AMBRA1: variants seen among roughly 807,000 people sequenced by gnomAD.
AMBRA1 encodes autophagy and beclin 1 regulator 1.
A neutral mutation model predicts 125.4 loss-of-function variants in AMBRA1; 47 were observed. The observed-to-expected ratio is 0.37, with a 90% CI of 0.30 to 0.48. AMBRA1 has a LOEUF of 0.48. Ranked by LOEUF, AMBRA1 falls within the 20% of genes least tolerant of loss-of-function variation. The pLI, the probability that AMBRA1 is intolerant of heterozygous loss-of-function variation, is 0.99. For missense variants in AMBRA1, 1,331 were observed against 1,693.4 expected, an observed-to-expected ratio of 0.79 and a Z score of 3.76; for synonymous variants, 626 against 655.5, an observed-to-expected ratio of 0.95 and a Z score of 0.69.
At chr11:46,573,413 AAAC>A (rs2043837465) in intron 1 of AMBRA1, among the ~76,000 whole-genome samples, 1 of 151,822 alleles carries the variant, frequency 6.6e-6, no homozygotes, top group Non-Finnish European at 1.5e-5. Flanking sequence ...CAGAAAAACA[AAAC>A]AAAAAAAAAA....
chr11:46,546,854 T>C (rs1340300012), intron 4 of AMBRA1, among the ~76,000 whole-genome samples: 1 of 152,056 alleles, frequency 6.6e-6, no homozygotes, highest in African/African-American at 2.4e-5. Flanking sequence ...GCAGACCACT[T>C]GAGGTCAGGA....
At chr11:46,513,349 G>A in intron 7 of AMBRA1, among the ~76,000 whole-genome samples, 1 of 146,422 alleles carries the variant, frequency 6.8e-6, no homozygotes, top group African/African-American at 2.5e-5. Flanking sequence ...ATATATATAA[G>A]AGTACTCCAT....
chr11:46,543,201 C>T lies in AMBRA1; in HGVS notation c.816G>A (p.Pro272=), dbSNP rs1225405693. 12 of 1,246,464 alleles carry T rather than the reference C, an allele frequency of 9.6e-6. No individual in the cohort carries two copies. In the East Asian group the frequency reaches 1.4e-4, roughly 14 times the overall value. 77.2% of individuals were successfully genotyped at this position (1,246,464 alleles called of 1,614,324 possible). A position where few individuals can be genotyped will look rare whatever the true frequency, so the allele number is the denominator to read the frequency against. Residue 272 remains proline, a synonymous_variant, in exon 7 of 18, where the codon CCG becomes CCA. Coordinates refer to ENST00000683756, the MANE Select transcript of AMBRA1 (RefSeq NM_001387011.1). ...GCTCCGTGGAGGGCTGAGGGGGAGGCGGTGGGGGTGAGGGGGTAGCAGAAT... is the reference window on the plus strand; with the variant it reads ...GCTCCGTGGAGGGCTGAGGGGGAGGTGGTGGGGGTGAGGGGGTAGCAGAAT... ...VQDSATPSPP[P]PPPQPSTERP...
At chr11:46,513,313 CTATAA>C (rs1399146299) in intron 7 of AMBRA1, among the ~76,000 whole-genome samples, 11 of 146,816 alleles carry the variant, frequency 7.5e-5, no homozygotes, top group East Asian at 2.0e-4. Context: ...AGATATATAA[CTATAA>C]TATATCTATT....
At chr11:46,569,667 C>T (rs1017246020) in intron 1 of AMBRA1, among the ~76,000 whole-genome samples, 40 of 151,882 alleles carry the variant, frequency 2.6e-4, no homozygotes, top group African/African-American at 1.5e-4. Flanking sequence ...TTTGTAATCC[C>T]GGCACTTTGG....
chr11:46,472,669 A>C (rs1401354532), intron 11 of AMBRA1, among the ~76,000 whole-genome samples: 1 of 152,246 alleles, frequency 6.6e-6, no homozygotes, highest in Non-Finnish European at 1.5e-5. Flanking sequence ...ATACATTTGA[A>C]TACTAGATTT....
At chr11:46,557,545 C>CGTGA (rs534180367) in intron 1 of AMBRA1, among the ~76,000 whole-genome samples, 88 of 151,482 alleles carry the variant, frequency 5.8e-4, no homozygotes, top group African/African-American at 2.0e-3. Context: ...CAGTGGCTCA[C>CGTGA]ACCTGTAATC....
chr11:46,445,145 TAC>T (rs929047427), intron 11 of AMBRA1, among the ~76,000 whole-genome samples: 2 of 151,282 alleles, frequency 1.3e-5, no homozygotes. Flanking sequence ...TATAAATAGA[TAC>T]ACATTGTATC....
intron 1 of AMBRA1, among the ~76,000 whole-genome samples, chr11:46,575,520 T>G (rs1165109013): frequency 1.4e-5 from 2 of 141,990 alleles, no homozygotes; most frequent in Non-Finnish European, 3.1e-5. Context: ...TCCTTTTTTT[T>G]TTTTTTTTTT....
intron 17 of AMBRA1, among the ~76,000 whole-genome samples, chr11:46,407,984 G>A (rs193203022): frequency 5.3e-5 from 8 of 152,322 alleles, no homozygotes; most frequent in African/African-American, 1.4e-4. Flanking sequence ...CTGGCACAGA[G>A]AGTCAGGGCC....
chr11:46,570,000 G>T (rs925082312), intron 1 of AMBRA1, among the ~76,000 whole-genome samples: 3 of 150,944 alleles, frequency 2.0e-5, no homozygotes, highest in African/African-American at 4.9e-5. Context: ...GGTGGCTCAC[G>T]CCTGTAATCC....
At chr11:46,563,520 C>A (rs1477022283) in intron 1 of AMBRA1, among the ~76,000 whole-genome samples, 1 of 152,106 alleles carries the variant, frequency 6.6e-6, no homozygotes, top group Non-Finnish European at 1.5e-5. Context: ...CCACACGGCA[C>A]CCTGATGAGA....
chr11:46,525,118 T>C (rs1467699259), intron 7 of AMBRA1, among the ~76,000 whole-genome samples: 2 of 151,616 alleles, frequency 1.3e-5, no homozygotes, highest in Non-Finnish European at 2.9e-5. Context: ...CGGGCAACCA[T>C]AGGGAGACCT....
intron 1 of AMBRA1, among the ~76,000 whole-genome samples, chr11:46,585,435 A>G (rs1412545044): frequency 2.0e-4 from 30 of 150,434 alleles, no homozygotes; most frequent in Non-Finnish European, 2.1e-4. Context: ...TGGGAGGCCG[A>G]GGCAGGTGGA....
At chr11:46,412,445 T>C (rs1253016411) in intron 15 of AMBRA1, among the ~76,000 whole-genome samples, 2 of 151,994 alleles carry the variant, frequency 1.3e-5, no homozygotes, top group Non-Finnish European at 2.9e-5. Flanking sequence ...TCACCACGCC[T>C]GGCTAATTTT....
intron 11 of AMBRA1, among the ~76,000 whole-genome samples, chr11:46,447,845 C>T (rs573294673): frequency 2.0e-4 from 30 of 152,272 alleles, no homozygotes; most frequent in Non-Finnish European, 3.8e-4. Context: ...ACTCCACTCT[C>T]TGTGTGTATT....
chr11:46,415,239 G>A (rs967754), intron 15 of AMBRA1, among the ~76,000 whole-genome samples: 150,495 of 152,330 alleles, frequency 0.99, 74,374 homozygotes, highest in East Asian at 1. Context: ...TCTGTAGACC[G>A]CTCAAAAGAC....
At chr11:46,558,242 A>T (rs1429327492) in intron 1 of AMBRA1, among the ~76,000 whole-genome samples, 1 of 152,098 alleles carries the variant, frequency 6.6e-6, no homozygotes, top group Non-Finnish European at 1.5e-5. Context: ...ACATCAATAG[A>T]TAACTAAAAC....
chr11:46,436,721 G>A (rs943313153), intron 12 of AMBRA1, among the ~76,000 whole-genome samples: 4 of 152,180 alleles, frequency 2.6e-5, no homozygotes, highest in Admixed American at 2.6e-4. Flanking sequence ...TCCAGCTGGG[G>A]ATATAGAACC....
Sources: gnomAD v4.1 joint callset for allele counts (sites outside exome capture counted in the v4.1 genomes callset) on GRCh38, gnomAD v4.1.1 for gene constraint, MANE v1.5 for transcripts, NCBI Gene and HGNC (gene_info 2026-07-23, HGNC 2026-07-21) for gene names.